MRTFB: variants seen among roughly 807,000 people sequenced by gnomAD.
MRTFB encodes the protein myocardin related transcription factor B, also known as myocardin-related transcription factor B.
Under a neutral mutation model 104.2 loss-of-function variants are expected in MRTFB, and 29 were observed. The ratio of observed to expected loss-of-function variants is 0.28; its 90% CI spans 0.21 to 0.38. MRTFB has a LOEUF of 0.38. MRTFB is among the 10% of genes least tolerant of loss of function. The pLI, the probability that MRTFB is intolerant of heterozygous loss-of-function variation, is 1.00. For synonymous variants in MRTFB, 535 were observed against 519.5 expected (o/e 1.03, Z -0.41); for missense variants, 1,270 against 1,341.6 (o/e 0.95, Z 0.83).
intron 10 of MRTFB, chr16:14,240,923 C>T (rs528965620): frequency 3.3e-6 from 2 of 609,124 alleles, no homozygotes; most frequent in African/African-American, 1.9e-5. Flanking sequence ...AAGGGCCTTT[C>T]CAGGCACAGG....
chr16:14,115,652 T>C (rs2036505214), intron 2 of MRTFB, among the ~76,000 whole-genome samples: 1 of 152,160 alleles, frequency 6.6e-6, no homozygotes, highest in Non-Finnish European at 1.5e-5. Flanking sequence ...AACATTAATA[T>C]TTCTGCCTTG....
chr16:14,122,586 C>T (rs1192408324), intron 2 of MRTFB, among the ~76,000 whole-genome samples: 2 of 152,200 alleles, frequency 1.3e-5, no homozygotes, highest in Non-Finnish European at 2.9e-5. Flanking sequence ...TGTCCAGCTT[C>T]ATCCATGTCC....
Position 14,178,096 on chromosome 16 carries a change from G to A in MRTFB, c.155-32147G>A, listed in dbSNP as rs1030332836. Among the ~76,000 whole-genome samples the A allele has an allele frequency of 6.2e-4, 94 of 152,142 alleles. 1 individual carries two copies. The highest frequency in any genetic ancestry group is 3.1e-4 in the Non-Finnish European group (21 of 68,026). ...ATCTTGGTATGCACAAAGGATCCTA[G>A]TGGAGAGGTGTAATACACTGATCAC... On this transcript the variant is annotated intron_variant, in intron 3 of 16. Transcript: ENST00000571589.
chr16:14,155,737 G>A (rs2038802623), intron 3 of MRTFB, among the ~76,000 whole-genome samples: 1 of 152,080 alleles, frequency 6.6e-6, no homozygotes, highest in Non-Finnish European at 1.5e-5. Context: ...TTTCACTCAG[G>A]CTGGTTGCAG....
Position 14,246,877 on chromosome 16 carries a change from G to C in MRTFB, c.1617G>C (p.Leu539Phe). The part of the protein sequence containing the change: ...IMTMMSPSQF[L>F]SSSPLRMTNN... ...CCATGATGTCGCCTTCACAGTTCTT[G>C]AGTTCATCTCCTTTGAGAATGACAA... The change falls in exon 12 of 17, where the codon TTG becomes TTC. Residue 539 changes from leucine (L) to phenylalanine (F), a missense_variant. Leu to Phe is a conservative substitution (Grantham distance 22). Coordinates refer to ENST00000571589, the MANE Select transcript of MRTFB (RefSeq NM_001308142.2). 1 of 1,613,484 alleles carries C rather than the reference G, an allele frequency of 6.2e-7. No homozygotes were observed. Among genetic ancestry groups the C allele is most frequent in the South Asian group, 1.1e-5 (1 of 91,064 alleles).
chr16:14,009,644 G>C, the MRTFB span: 1 of 152,082 alleles, frequency 6.6e-6, no homozygotes, highest in Non-Finnish European at 1.5e-5. Context: ...GTTAGCTCTG[G>C]GTTTTTCATA....
chr16:14,017,761 G>A, the MRTFB span, among the ~76,000 whole-genome samples: 35 of 127,492 alleles, frequency 2.7e-4, no homozygotes, highest in Middle Eastern at 0.011. Context: ...CTTTCTCCCG[G>A]GCTAGAGTGC....
chr16:14,210,318 A>C lies in MRTFB; in HGVS notation c.220+10A>C, dbSNP rs226779. On this transcript the variant is annotated intron_variant, in intron 4 of 16. Transcript: ENST00000571589. ...CAGGGCATCATGCCACGTAAGATTT[A>C]TACCATCACTGCCATCCCTAACGTG... 83,405 of 1,608,600 alleles carry C rather than the reference A, an allele frequency of 0.052. 5,200 individuals are homozygous for C. Among genetic ancestry groups the C allele is most frequent in the East Asian group, 0.3 (13,618 of 44,740 alleles).
chr16:14,188,945 T>G (rs888190824), intron 3 of MRTFB, among the ~76,000 whole-genome samples: 1 of 151,974 alleles, frequency 6.6e-6, no homozygotes, highest in Non-Finnish European at 1.5e-5. Flanking sequence ...GGAGAGAAAC[T>G]TTATATTTAA....
chr16:14,243,359 G>C (rs144424321), intron 10 of MRTFB, among the ~76,000 whole-genome samples: 1 of 152,198 alleles, frequency 6.6e-6, no homozygotes, highest in Non-Finnish European at 1.5e-5. Flanking sequence ...ACTCTTCAGA[G>C]AAAGCTCACC....
the MRTFB span, among the ~76,000 whole-genome samples, chr16:14,044,598 T>A: frequency 6.6e-6 from 1 of 152,222 alleles, no homozygotes; most frequent in Non-Finnish European, 1.5e-5. Flanking sequence ...ACAGCTCAGC[T>A]GTGCAAAGCA....
chr16:14,162,019 A>G (rs2039057311), intron 3 of MRTFB, among the ~76,000 whole-genome samples: 1 of 152,024 alleles, frequency 6.6e-6, no homozygotes, highest in South Asian at 2.1e-4. Flanking sequence ...TATGTTCATC[A>G]AAAGATGATG....
chr16:14,018,135 GTC>G, the MRTFB span, among the ~76,000 whole-genome samples: 5 of 152,058 alleles, frequency 3.3e-5, no homozygotes, highest in African/African-American at 4.8e-5. Flanking sequence ...TCCACCCTCA[GTC>G]TCTAGGATAA....
At chr16:14,231,661 A>G (rs11075235) in intron 8 of MRTFB, among the ~76,000 whole-genome samples, 143,517 of 152,242 alleles carry the variant, frequency 0.94, 67,855 homozygotes, top group Non-Finnish European at 0.97. Context: ...GCATTCGTTC[A>G]CTACTGTAAT....
chr16:14,145,839 G>A (rs1337293277), intron 3 of MRTFB, among the ~76,000 whole-genome samples: 1 of 152,226 alleles, frequency 6.6e-6, no homozygotes. Flanking sequence ...CAAAGGAATA[G>A]GACGTTAGTG....
chr16:14,047,592 C>T, the MRTFB span, among the ~76,000 whole-genome samples: 4 of 152,140 alleles, frequency 2.6e-5, no homozygotes, highest in Non-Finnish European at 5.9e-5. Context: ...GGAGGCCTCA[C>T]AATCATGGCA....
chr16:14,135,586 G>T (rs1024195847), intron 2 of MRTFB, among the ~76,000 whole-genome samples: 1 of 152,228 alleles, frequency 6.6e-6, no homozygotes, highest in Non-Finnish European at 1.5e-5. Context: ...GCATTTCTCA[G>T]AGTGTATCCC....
chr16:14,107,395 C>T (rs368496497), intron 2 of MRTFB, among the ~76,000 whole-genome samples: 1 of 152,186 alleles, frequency 6.6e-6, no homozygotes, highest in African/African-American at 2.4e-5. Flanking sequence ...ATTGAAATTC[C>T]ATCATTTTGC....
At chr16:14,012,330 G>A in the MRTFB span, among the ~76,000 whole-genome samples, 1 of 116,434 alleles carries the variant, frequency 8.6e-6, no homozygotes, top group East Asian at 2.3e-4. Context: ...ACAGAGTCTC[G>A]CTCTGTCACC....
Sources: gnomAD v4.1 joint callset for allele counts (sites outside exome capture counted in the v4.1 genomes callset) on GRCh38, gnomAD v4.1.1 for gene constraint, MANE v1.5 for transcripts, NCBI Gene and HGNC (gene_info 2026-07-23, HGNC 2026-07-21) for gene names.